The following CGGBP1 variants were observed in gnomAD, a reference collection of about 807,000 sequenced individuals.
The protein encoded by CGGBP1 is CGG triplet repeat-binding protein 1.
In CGGBP1, 4 loss-of-function variants were observed where a neutral mutation model predicts 11.4. The ratio of observed to expected loss-of-function variants is 0.35; its 90% confidence interval spans 0.17 to 0.80. The LOEUF (loss-of-function observed/expected upper bound fraction) is 0.80. Among genes scored for constraint, CGGBP1 ranks in the 30% least tolerant of loss-of-function variants. The pLI, the probability that CGGBP1 is intolerant of heterozygous loss-of-function variation, is 0.52. For synonymous variants in CGGBP1, 76 were observed against 74.1 expected (o/e 1.03, Z -0.13); for missense variants, 135 against 202.1 (o/e 0.67, Z 2.01).
At chr3:88,061,712 A>G (rs1298167421), upstream of CGGBP1, among the ~76,000 whole-genome samples, 1 of 152,190 alleles carries the variant, frequency 6.6e-6, no homozygotes, top group Non-Finnish European at 1.5e-5. Context: ...TAAGGGAAGC[A>G]GGGGGATTAT....
At chr3:88,059,753 A>G (rs1317097002), upstream of CGGBP1, among the ~76,000 whole-genome samples, 1 of 152,040 alleles carries the variant, frequency 6.6e-6, no homozygotes, top group Non-Finnish European at 1.5e-5. Context: ...GCTGGAAAGA[A>G]GGAAGGTCGG....
chr3:88,094,287 G>A (rs1172602491), intron 2 of CGGBP1, among the ~76,000 whole-genome samples: 1 of 152,000 alleles, frequency 6.6e-6, no homozygotes, highest in Non-Finnish European at 1.5e-5. Context: ...ACTTAGTATT[G>A]CATTTGGTCT....
chr3:88,059,086 T>A (rs577871702), upstream of CGGBP1: 1 of 786,926 alleles, frequency 1.3e-6, no homozygotes, highest in South Asian at 1.9e-5. Context: ...AGACTGTCGA[T>A]TTCACCAATA....
chr3:88,137,162 T>G (rs1706840871), intron 2 of CGGBP1, among the ~76,000 whole-genome samples: 1 of 112,808 alleles, frequency 8.9e-6, no homozygotes, highest in East Asian at 3.0e-4. Flanking sequence ...GCCATTCTAC[T>G]CCAGCCTGGG....
upstream of CGGBP1, among the ~76,000 whole-genome samples, chr3:88,059,743 G>A (rs1315776079): frequency 9.2e-5 from 14 of 152,056 alleles, no homozygotes; most frequent in Non-Finnish European, 1.9e-4. Flanking sequence ...GGATGGAGGG[G>A]CTGGAAAGAA....
chr3:88,124,679 A>G (rs1705979599), intron 2 of CGGBP1, among the ~76,000 whole-genome samples: 1 of 152,136 alleles, frequency 6.6e-6, no homozygotes. Flanking sequence ...GCTTTGCTTT[A>G]TAACTGCTAC....
At chr3:88,092,203 A>G (rs1435667775) in intron 2 of CGGBP1, among the ~76,000 whole-genome samples, 3 of 152,188 alleles carry the variant, frequency 2.0e-5, no homozygotes, top group Non-Finnish European at 4.4e-5. Context: ...CTACAATAGT[A>G]TGTTATTTTA....
At chr3:88,084,844 G>C (rs1432454886) in intron 2 of CGGBP1, among the ~76,000 whole-genome samples, 1 of 152,188 alleles carries the variant, frequency 6.6e-6, no homozygotes, top group Non-Finnish European at 1.5e-5. Context: ...GGTAGCCCAA[G>C]TGGATGCTAC....
rs1706469840 is a variant in CGGBP1 at position 88,053,348 on chromosome 3, G to A, written c.*2125C>T. 6.6e-6 allele frequency: 1 copy of A among 152,136 alleles called. No individual in the cohort carries two copies. The highest frequency in any genetic ancestry group is 2.4e-5 in the African/African-American group (1 of 41,442). 9.4% of individuals were successfully genotyped at this position (152,136 alleles called of 1,614,324 possible). Reference sequence around the variant, plus strand: ...CAACAGGATGGAAAACATTTCTAAGGAGAGGATATAATCCTAACAGAATGG... The same window carrying A: ...CAACAGGATGGAAAACATTTCTAAGAAGAGGATATAATCCTAACAGAATGG... On this transcript the variant is annotated 3_prime_UTR_variant, in exon 4 of 4. Transcript: ENST00000482016.
intron 2 of CGGBP1, among the ~76,000 whole-genome samples, chr3:88,115,854 A>G (rs1371924127): frequency 3.3e-5 from 5 of 152,190 alleles, no homozygotes; most frequent in African/African-American, 1.2e-4. Flanking sequence ...AGTGACAAAA[A>G]TAATGTAAAA....
chr3:88,097,387 G>T (rs1271903023), intron 2 of CGGBP1, among the ~76,000 whole-genome samples: 1 of 151,122 alleles, frequency 6.6e-6, no homozygotes, highest in African/African-American at 2.4e-5. Context: ...AATAATGGGA[G>T]ACTTTAACAC....
At chr3:88,123,996 C>A (rs116356669) in intron 2 of CGGBP1, among the ~76,000 whole-genome samples, 1,895 of 152,258 alleles carry the variant, frequency 0.012, 38 homozygotes, top group African/African-American at 0.042. Context: ...ATGTTAAATT[C>A]ATGGCTGATC....
chr3:88,070,014 T>C (rs1471020735), intron 2 of CGGBP1, among the ~76,000 whole-genome samples: 2 of 152,192 alleles, frequency 1.3e-5, no homozygotes, highest in East Asian at 1.9e-4. Flanking sequence ...TCTCTCAAAT[T>C]ATAGAATTTA....
chr3:88,100,534 A>G (rs1704349951), intron 2 of CGGBP1, among the ~76,000 whole-genome samples: 2 of 152,210 alleles, frequency 1.3e-5, no homozygotes, highest in Non-Finnish European at 1.5e-5. Context: ...AGCACTATTC[A>G]CAATAGCAGA....
intron 2 of CGGBP1, chr3:88,113,221 A>G: frequency 7.1e-7 from 1 of 1,409,340 alleles, no homozygotes; most frequent in Non-Finnish European, 9.7e-7. Context: ...ACTACTTCAC[A>G]CTTTGTCTAC....
At chr3:88,136,998 C>T (rs1358518721) in intron 2 of CGGBP1, among the ~76,000 whole-genome samples, 1 of 151,898 alleles carries the variant, frequency 6.6e-6, no homozygotes, top group African/African-American at 2.4e-5. Context: ...AGTTCAAGAC[C>T]AGTCTGGCCA....
In CGGBP1 at chr3:88,052,205, A is replaced by C. The variant is rs1706443933; in HGVS notation, c.*3268T>G. On this transcript the variant is annotated 3_prime_UTR_variant, in exon 4 of 4. Transcript: ENST00000482016. ...AGATAAGAATTGTATTTACCTAAGAAATCTATGATAGTGTGGGTGGAGATA... is the reference window on the plus strand; with the variant it reads ...AGATAAGAATTGTATTTACCTAAGACATCTATGATAGTGTGGGTGGAGATA... 1 of 152,630 alleles carries C rather than the reference A, an allele frequency of 6.6e-6. No individual in the cohort carries two copies. The highest frequency in any genetic ancestry group is 1.5e-5 in the Non-Finnish European group (1 of 68,032). 9.5% of individuals were successfully genotyped at this position (152,630 alleles called of 1,614,324 possible). A position where few individuals can be genotyped will look rare whatever the true frequency, so the allele number is the denominator to read the frequency against.
exon 2 of CGGBP1, chr3:88,141,007 A>G (rs749574233): frequency 5.5e-5 from 89 of 1,610,952 alleles, no homozygotes; most frequent in Non-Finnish European, 7.0e-5. Context: ...CTTGCACAAA[A>G]GAAATGTCAG....
At position 88,083,575 on chromosome 3, in the gene CGGBP1, T is replaced by A. The variant is rs368213712; in HGVS notation, c.-228-25352A>T. 5.9e-5 allele frequency among the ~76,000 whole-genome samples: 9 copies of A among 152,322 alleles called. No individual in the cohort carries two copies. The East Asian group carries it at 1.7e-3, about 29-fold the overall frequency. ...GTGTTCCTATAATTTCTGTAAATATTCACTACAGTAATGTTTGTTATGCTC... is the reference window on the plus strand; with the variant it reads ...GTGTTCCTATAATTTCTGTAAATATACACTACAGTAATGTTTGTTATGCTC... On this transcript the variant is annotated intron_variant, in intron 2 of 3. Coordinates refer to the CGGBP1 transcript ENST00000462901.
Sources: allele counts gnomAD v4.1 joint callset (sites outside exome capture counted in the v4.1 genomes callset), GRCh38; gene constraint gnomAD v4.1.1; transcripts MANE v1.5; gene names NCBI Gene and HGNC (gene_info 2026-07-23, HGNC 2026-07-21).